Variants in SI observed in about 807,000 individuals in gnomAD.
The protein encoded by SI is sucrase-isomaltase, intestinal.
A neutral mutation model predicts 253.3 loss-of-function variants in SI; 235 were observed. That is an observed-to-expected ratio of 0.93 (90% CI 0.83 to 1.03). SI has a LOEUF of 1.03. SI is among the 50% of genes least tolerant of loss of function. The pLI is 0.00. For synonymous variants in SI, 819 were observed against 712.0 expected (o/e 1.15, Z -2.39); for missense variants, 2,442 against 2,211.1 (o/e 1.10, Z -2.09).
At chr3:165,028,967 A>T (rs1712076405) in intron 25 of SI, among the ~76,000 whole-genome samples, 1 of 151,464 alleles carries the variant, frequency 6.6e-6, no homozygotes, top group South Asian at 2.1e-4. Context: ...CAAAAGGAAC[A>T]GTCAGCAGAG....
In SI at chr3:165,055,296, T is replaced by C. The variant is rs1473950026; in HGVS notation, c.1410A>G (p.Gly470=). 2 of 1,574,442 alleles carry C rather than the reference T, an allele frequency of 1.3e-6. No homozygotes were observed. Among genetic ancestry groups the C allele is most frequent in the Non-Finnish European group, 1.7e-6 (2 of 1,145,100 alleles). ...STPIIGEVWP[G]LTVYPDFTNP... Reference sequence around the variant, plus strand: ...TAGTGAAATCAGGGTATACTGTTAATCCTGGCCATACCTAGAAGAATAGAT... The same window carrying C: ...TAGTGAAATCAGGGTATACTGTTAACCCTGGCCATACCTAGAAGAATAGAT... The change falls in exon 13 of 48, where the codon GGA becomes GGG. Residue 470 remains glycine, a synonymous_variant. Transcript: ENST00000264382.
chr3:165,062,370 C>A lies in SI; in HGVS notation c.1020+1G>T, dbSNP rs759187679. The A allele has an allele frequency of 6.9e-7, 1 of 1,450,752 alleles. No individual in the cohort carries two copies. Among genetic ancestry groups the A allele is most frequent in the Non-Finnish European group, 9.7e-7 (1 of 1,031,854 alleles). 89.9% of individuals were successfully genotyped at this position (1,450,752 alleles called of 1,614,324 possible). On this transcript the variant is annotated splice_donor_variant, in intron 9 of 47. Coordinates refer to ENST00000264382, the MANE Select transcript of SI (RefSeq NM_001041.4). LOFTEE classifies it high-confidence loss of function. ...TTTTATAAAATAGACCTGAAACACA[C>A]CTGTTGATACTGTTGAACTACTTGT...
In SI at chr3:165,065,416, C is replaced by G. The variant is rs374734531; in HGVS notation, c.652G>C (p.Gly218Arg). The G allele has an allele frequency of 9.9e-6, 15 of 1,520,096 alleles. 1 individual carries two copies. In the South Asian group the frequency reaches 1.7e-4, roughly 17 times the overall value. 94.2% of individuals were successfully genotyped at this position (1,520,096 alleles called of 1,614,324 possible). ...NGKTLFDTSI[G>R]PLVYSDQYLQ... ...TACTGGTCAGAGTACACTAAGGGAC[C>G]AATGCTGGTGTCAAACCTGCACCAT... Residue 218 changes from glycine to arginine, a missense_variant, in exon 7 of 48, where the codon GGT becomes CGT. Transcript: ENST00000264382.
chr3:165,067,640 A>G (rs1161359252), intron 5 of SI, 149 bp from the exon 6 acceptor site: 1 of 668,446 alleles, frequency 1.5e-6, no homozygotes, highest in Non-Finnish European at 2.6e-6. Flanking sequence ...TAATTTTAAT[A>G]TTTTTGAATG....
rs151234636 is a variant in SI, at chr3:164,996,541, A to G, written c.4686T>C (p.Asn1562=). The change falls in exon 40 of 48, where the codon AAT becomes AAC. Residue 1562 remains asparagine (N), a synonymous_variant. Coordinates refer to ENST00000264382, the MANE Select transcript of SI (RefSeq NM_001041.4). ...AAATGTAGTAATTACATACTCTAGT[A>G]TTTGCAATGTTGTGATTCCTTGAGT... ...YPYSRNHNIA[N]TRRQDPASWN... is the part of the protein sequence containing the mutation. 5.4e-6 allele frequency: 8 copies of G among 1,490,328 alleles called. No homozygotes were observed. The African/African-American group carries it at 8.3e-5, about 15-fold the overall frequency. The allele number at this position is 1,490,328 out of a possible 1,614,324, so 92.3% of individuals were successfully genotyped here. A position where few individuals can be genotyped will look rare whatever the true frequency, so the allele number is the denominator to read the frequency against.
chr3:165,081,591 AG>A (rs1178870071), upstream of SI, among the ~76,000 whole-genome samples: 1 of 152,036 alleles, frequency 6.6e-6, no homozygotes, highest in African/African-American at 2.4e-5. Context: ...TGCAACAAAA[AG>A]ACAAAAATCG....
At chr3:165,018,669 A>T (rs1719159847) in intron 28 of SI, among the ~76,000 whole-genome samples, 1 of 151,362 alleles carries the variant, frequency 6.6e-6, no homozygotes, top group Non-Finnish European at 1.5e-5. Flanking sequence ...CCAGTGAAAT[A>T]GATTTTATAG....
At chr3:165,016,103 A>T in intron 31 of SI, 23 bp from the exon 32 acceptor site, 1 of 1,605,200 alleles carries the variant, frequency 6.2e-7, no homozygotes, top group South Asian at 1.1e-5. Context: ...AAAATTATCA[A>T]AGTAGGGCAA....
Position 165,039,743 on chromosome 3 carries a change from G to T in SI, c.2244+144C>A, listed in dbSNP as rs113231036. 904 of 663,196 alleles carry T rather than the reference G, an allele frequency of 1.4e-3. 4 individuals carry two copies. The African/African-American group carries it at 0.014, about 11-fold the overall frequency. The allele number at this position is 663,196 out of a possible 1,614,324, so 41.1% of individuals were successfully genotyped here. ...ATTTTTATAACATTTTGAAATTTGT[G>T]TCACATCGTAGAATTCCAACTTGAT... On this transcript the variant is annotated intron_variant, in intron 19 of 47. Coordinates refer to ENST00000264382, the MANE Select transcript of SI (RefSeq NM_001041.4).
intron 10 of SI, 53 bp from the exon 11 acceptor site, chr3:165,059,352 T>C: frequency 1.3e-6 from 2 of 1,548,914 alleles, no homozygotes; most frequent in Non-Finnish European, 1.8e-6. Flanking sequence ...AGCTCTCTAA[T>C]CAAGTCAATC....
At chr3:164,999,129 A>G (rs2108140335) in intron 37 of SI, among the ~76,000 whole-genome samples, 1 of 151,928 alleles carries the variant, frequency 6.6e-6, no homozygotes, top group East Asian at 1.9e-4. Context: ...TTTGCTTTAA[A>G]GGTTTAATTT....
At chr3:165,080,640 A>C (rs1715280101), upstream of SI, among the ~76,000 whole-genome samples, 1 of 152,060 alleles carries the variant, frequency 6.6e-6, no homozygotes, top group Non-Finnish European at 1.5e-5. Context: ...TTCTCAGCCA[A>C]CTATCGCAAG....
At chr3:165,037,517 G>T (rs968854423) in intron 21 of SI, among the ~76,000 whole-genome samples, 17 of 151,868 alleles carry the variant, frequency 1.1e-4, no homozygotes, top group Non-Finnish European at 2.2e-4. Flanking sequence ...TTAGCAGAAA[G>T]AAATACATTG....
At chr3:165,044,656 A>G (rs1194274793) in intron 16 of SI, among the ~76,000 whole-genome samples, 1 of 152,008 alleles carries the variant, frequency 6.6e-6, no homozygotes, top group Non-Finnish European at 1.5e-5. Context: ...AATATCATTT[A>G]TAGACTATGT....
In SI at chr3:165,019,652, C is replaced by A; in HGVS notation, c.3373G>T (p.Asp1125Tyr). 6.2e-7 allele frequency: 1 copy of A among 1,612,636 alleles called. No individual in the cohort carries two copies. Among genetic ancestry groups the A allele is most frequent in the Non-Finnish European group, 8.5e-7 (1 of 1,179,102 alleles). ...GEVEHTAFKR[D>Y]LNWNTWGMFT... ...ATTCCCCAAGTATTCCAGTTCAGAT[C>A]TCGCTTAAATGCTGTATGTTCCACT... The change falls in exon 28 of 48, where the codon GAT (aspartate) becomes TAT (tyrosine). Residue 1125 changes from aspartate to tyrosine, a missense_variant. Transcript: ENST00000264382.
intron 22 of SI, among the ~76,000 whole-genome samples, chr3:165,035,251 T>A (rs1161043748): frequency 6.6e-6 from 1 of 151,982 alleles, no homozygotes; most frequent in Non-Finnish European, 1.5e-5. Context: ...ACTACATTTA[T>A]CAAGGAAAGG....
intron 1 of SI, among the ~76,000 whole-genome samples, chr3:165,077,061 AC>A (rs1715040146): frequency 1.3e-5 from 2 of 149,586 alleles, no homozygotes; most frequent in African/African-American, 4.9e-5. Flanking sequence ...CAACCTAAAC[AC>A]CTTTTTTTCC....
chr3:164,979,386 T>G lies in SI; in HGVS notation c.5460A>C (p.Glu1820Asp). Reference protein sequence around the residue: ...DLTTHNVTLEEPIEINWS With the variant: ...DLTTHNVTLEDPIEINWS ...TTCATGACCAGTTGATTTCTATTGG[T>G]TCTTCTAGAGTAACATTGTGTGTGG... Residue 1820 changes from glutamate to aspartate, a missense_variant, in exon 48 of 48, where the codon GAA becomes GAC. Transcript: ENST00000264382. 1 of 1,590,010 alleles carries G rather than the reference T, an allele frequency of 6.3e-7. No individual in the cohort carries two copies. Among genetic ancestry groups the G allele is most frequent in the Non-Finnish European group, 8.6e-7 (1 of 1,159,568 alleles).
rs899334692 is a variant in SI at position 165,031,239 on chromosome 3, T to C, written c.2737-372A>G. ...GATTTTCATCTGCATAGCTTACTTT[T>C]TGATACCCACCAAACATAATTGCAA... is the stretch of plus-strand genomic sequence containing the variant. On this transcript the variant is annotated intron_variant, in intron 24 of 47. Transcript: ENST00000264382. Among the ~76,000 whole-genome samples, 13 of 149,850 alleles carry C rather than the reference T, an allele frequency of 8.7e-5. No individual in the cohort carries two copies. In the East Asian group the frequency reaches 2.2e-3, roughly 25 times the overall value.
Sources: gnomAD v4.1 joint callset for allele counts (sites outside exome capture counted in the v4.1 genomes callset) on GRCh38, gnomAD v4.1.1 for gene constraint, MANE v1.5 for transcripts, NCBI Gene and HGNC (gene_info 2026-07-23, HGNC 2026-07-21) for gene names.